Variants in AKAP6 observed in about 807,000 individuals in gnomAD.
The protein encoded by AKAP6 is A-kinase anchoring protein 6.
Under a neutral mutation model 188.5 loss-of-function variants are expected in AKAP6, and 58 were observed. The observed-to-expected ratio is 0.31, with a 90% CI of 0.25 to 0.38. The LOEUF (loss-of-function observed/expected upper bound fraction) is 0.38. Among genes scored for constraint, AKAP6 ranks in the 10% least tolerant of loss-of-function variants. The pLI, the probability that AKAP6 is intolerant of heterozygous loss-of-function variation, is 1.00. For synonymous variants in AKAP6, 989 were observed against 998.6 expected (o/e 0.99, Z 0.18); for missense variants, 2,710 against 2,740.0 (o/e 0.99, Z 0.24).
At chr14:32,537,934 A>G (rs1028942071) in intron 3 of AKAP6, among the ~76,000 whole-genome samples, 1 of 152,224 alleles carries the variant, frequency 6.6e-6, no homozygotes, top group African/African-American at 2.4e-5. Flanking sequence ...TTCTCACAAC[A>G]CGAACTCAGC....
chr14:32,452,177 C>T (rs536454964), intron 2 of AKAP6, among the ~76,000 whole-genome samples: 142 of 151,960 alleles, frequency 9.3e-4, no homozygotes, highest in Middle Eastern at 3.4e-3. Context: ...ACCACCACAC[C>T]CAGGTCACCA....
chr14:32,511,708 T>A (rs1881272979), intron 2 of AKAP6, among the ~76,000 whole-genome samples: 1 of 152,210 alleles, frequency 6.6e-6, no homozygotes, highest in Non-Finnish European at 1.5e-5. Flanking sequence ...ATACCAGTTC[T>A]TTTTGTTCGG....
intron 12 of AKAP6, among the ~76,000 whole-genome samples, chr14:32,803,290 A>C (rs1210192882): frequency 1.0e-5 from 1 of 98,084 alleles, no homozygotes; most frequent in Non-Finnish European, 2.7e-5. Context: ...TAAAAAAAAA[A>C]ACAAAACAAA....
chr14:32,467,784 C>G (rs1230470803), intron 2 of AKAP6, among the ~76,000 whole-genome samples: 1 of 152,120 alleles, frequency 6.6e-6, no homozygotes, highest in African/African-American at 2.4e-5. Flanking sequence ...ACACATTTTA[C>G]TTTTCAATGA....
rs1255432670 is a variant in AKAP6, at chr14:32,829,830, C to A, written c.*43-18C>A. ...ACATTTCTGAAACCTTTTCTTGTCA[C>A]TTTTTTGTTTCTTGTAGATACGCCT... On this transcript the variant is annotated intron_variant, in intron 13 of 13. Transcript: ENST00000280979. 4 of 689,982 alleles carry A rather than the reference C, an allele frequency of 5.8e-6. No individual in the cohort carries two copies. The South Asian group carries it at 6.1e-5, about 10-fold the overall frequency. 42.7% of individuals were successfully genotyped at this position (689,982 alleles called of 1,614,324 possible). A position where few individuals can be genotyped will look rare whatever the true frequency, so the allele number is the denominator to read the frequency against.
chr14:32,404,129 A>G (rs1249250954), intron 1 of AKAP6, among the ~76,000 whole-genome samples: 3 of 152,314 alleles, frequency 2.0e-5, no homozygotes, highest in South Asian at 2.1e-4. Flanking sequence ...ATTAACAAAA[A>G]TATTCTAAGA....
chr14:32,729,534 G>A (rs2031068024), intron 9 of AKAP6, among the ~76,000 whole-genome samples: 1 of 151,964 alleles, frequency 6.6e-6, no homozygotes, highest in Non-Finnish European at 1.5e-5. Context: ...TTTTTTAAAA[G>A]TTTTTCTTTG....
At position 32,832,609 on chromosome 14, in the gene AKAP6, C is replaced by T. The variant is rs1018155252; in HGVS notation, c.*2804C>T. 1 of 152,170 alleles carries T rather than the reference C, an allele frequency of 6.6e-6. No homozygotes were observed. The highest frequency in any genetic ancestry group is 2.4e-5 in the African/African-American group (1 of 41,438). 9.4% of individuals were successfully genotyped at this position (152,170 alleles called of 1,614,324 possible). On this transcript the variant is annotated 3_prime_UTR_variant, in exon 14 of 14. Coordinates refer to ENST00000280979, the MANE Select transcript of AKAP6 (RefSeq NM_004274.5). ...TCCCCAATTACCCTTAGAAAATGATCACACCAACTCTGCCTACACACTTCC... is the reference window on the plus strand; with the variant it reads ...TCCCCAATTACCCTTAGAAAATGATTACACCAACTCTGCCTACACACTTCC...
At chr14:32,710,711 G>A (rs1398364370) in intron 9 of AKAP6, among the ~76,000 whole-genome samples, 4 of 152,088 alleles carry the variant, frequency 2.6e-5, no homozygotes, top group Admixed American at 2.0e-4. Context: ...GTTGTTAAAC[G>A]TAGGAAGTAG....
chr14:32,574,362 A>G (rs1465095652), intron 4 of AKAP6, among the ~76,000 whole-genome samples: 1 of 152,206 alleles, frequency 6.6e-6, no homozygotes, highest in East Asian at 1.9e-4. Flanking sequence ...TGGGATACAC[A>G]GAGGTGCCAT....
intron 2 of AKAP6, among the ~76,000 whole-genome samples, chr14:32,469,643 A>G (rs1594647611): frequency 6.9e-6 from 1 of 144,616 alleles, no homozygotes; most frequent in Admixed American, 6.8e-5. Flanking sequence ...TAGCTTTCCC[A>G]TTTTTCTTTG....
At chr14:32,587,284 CTG>C (rs1365806736) in intron 5 of AKAP6, among the ~76,000 whole-genome samples, 1 of 152,014 alleles carries the variant, frequency 6.6e-6, no homozygotes, top group African/African-American at 2.4e-5. Context: ...AGTCTCTTCT[CTG>C]TGAATAGGAA....
rs1199052520 is a variant in AKAP6, at chr14:32,773,940, C to CA, written c.3588+53dup. 6 of 1,564,052 alleles carry CA rather than the reference C, an allele frequency of 3.8e-6. 2 individuals carry two copies. Among genetic ancestry groups the CA allele is most frequent in the South Asian group, 2.3e-5 (2 of 88,606 alleles). On this transcript the variant is annotated intron_variant, in intron 12 of 13. Coordinates refer to ENST00000280979, the MANE Select transcript of AKAP6 (RefSeq NM_004274.5). ...CATAATTGTCTGTCATTTTCTCAGACAAAAAATAATTCTTTCAGGCTTGGA... is the reference window on the plus strand; with the variant it reads ...CATAATTGTCTGTCATTTTCTCAGACAAAAAAATAATTCTTTCAGGCTTGGA...
Position 32,835,878 on chromosome 14 carries a change from G to A in AKAP6, c.*6073G>A, listed in dbSNP as rs896079697. 2 of 152,106 alleles carry A rather than the reference G, an allele frequency of 1.3e-5. No homozygotes were observed. The highest frequency in any genetic ancestry group is 2.9e-5 in the Non-Finnish European group (2 of 68,020). The allele number at this position is 152,106 out of a possible 1,614,324, so 9.4% of individuals were successfully genotyped here. A position where few individuals can be genotyped will look rare whatever the true frequency, so the allele number is the denominator to read the frequency against. On this transcript the variant is annotated 3_prime_UTR_variant, in exon 14 of 14. Transcript: ENST00000280979. Reference sequence around the variant, plus strand: ...GCCACATACCTTCTATATAACAATGGCCCTTTAGTTTGAGAGTTGCCACAT... The same window carrying A: ...GCCACATACCTTCTATATAACAATGACCCTTTAGTTTGAGAGTTGCCACAT...
intron 2 of AKAP6, among the ~76,000 whole-genome samples, chr14:32,458,253 T>C (rs1007166757): frequency 6.6e-6 from 1 of 152,196 alleles, no homozygotes; most frequent in African/African-American, 2.4e-5. Flanking sequence ...ATCTTTAATA[T>C]ATGCTCCAAT....
intron 1 of AKAP6, among the ~76,000 whole-genome samples, chr14:32,407,575 G>C (rs1889338180): frequency 6.6e-6 from 1 of 152,180 alleles, no homozygotes; most frequent in Non-Finnish European, 1.5e-5. Flanking sequence ...GATATTTACT[G>C]CATGTTAGTG....
Position 32,821,422 on chromosome 14 carries a change from T to C in AKAP6, c.3609T>C (p.Asp1203=). 1 of 1,611,244 alleles carries C rather than the reference T, an allele frequency of 6.2e-7. No homozygotes were observed. Among genetic ancestry groups the C allele is most frequent in the Non-Finnish European group, 8.5e-7 (1 of 1,178,448 alleles). ...GKESETLNVI[D]PGLMDLNGMS... The stretch of plus-strand genomic sequence containing the variant: ...CACAGGAGACTTTGAATGTGATTGA[T>C]CCTGGCTTGATGGACCTAAATGGGA... The change falls in exon 13 of 14, where the codon GAT becomes GAC. Residue 1203 remains aspartate (D), a synonymous_variant. Transcript: ENST00000280979.
At chr14:32,796,615 A>G (rs1449878315) in intron 12 of AKAP6, among the ~76,000 whole-genome samples, 1 of 152,172 alleles carries the variant, frequency 6.6e-6, no homozygotes, top group East Asian at 1.9e-4. Context: ...TTTTTATACC[A>G]TCTACAAAGG....
chr14:32,762,046 C>A lies in AKAP6; in HGVS notation c.3373-11632C>A, dbSNP rs146328705. Among the ~76,000 whole-genome samples, 1,237 of 152,144 alleles carry A rather than the reference C, an allele frequency of 8.1e-3. 10 individuals are homozygous for A. Among genetic ancestry groups the A allele is most frequent in the Middle Eastern group, 0.02 (6 of 294 alleles). On this transcript the variant is annotated intron_variant, in intron 11 of 13. Transcript: ENST00000280979. ...ATAAATGGCAATTAATGCTTATCTG[C>A]TTAGGAAAAGTGTGATTGTGGGGTT...
Sources: allele counts gnomAD v4.1 joint callset (sites outside exome capture counted in the v4.1 genomes callset), GRCh38; gene constraint gnomAD v4.1.1; transcripts MANE v1.5; gene names NCBI Gene and HGNC (gene_info 2026-07-23, HGNC 2026-07-21).